Variants in OCRL observed in about 807,000 individuals in gnomAD.
OCRL encodes the protein inositol polyphosphate 5-phosphatase OCRL.
Under a neutral mutation model 78.9 loss-of-function variants are expected in OCRL, and 8 were observed. The ratio of observed to expected loss-of-function variants is 0.10; its 90% confidence interval spans 0.06 to 0.18. The LOEUF (loss-of-function observed/expected upper bound fraction) is 0.18. OCRL is among the 10% of genes least tolerant of loss of function. The probability of loss-of-function intolerance (pLI) is 1.00; values close to 1 mark genes in which losing one functional copy is unlikely to be tolerated. For missense variants in OCRL, 454 were observed against 696.7 expected (o/e 0.65, Z 3.92); for synonymous variants, 240 against 235.4 (o/e 1.02, Z -0.18).
At chrX:129,585,124 G>C (rs886856998) in intron 19 of OCRL, among the ~76,000 whole-genome samples, 2 of 112,635 alleles carry the variant, frequency 1.8e-5, no homozygotes, top group Admixed American at 1.9e-4. Context: ...TTGAAAATTA[G>C]AGTTCAGGAT....
Position 129,575,223 on chromosome X carries a change from T to C in OCRL, c.1686T>C (p.Leu562=). 8.3e-7 allele frequency: 1 copy of C among 1,202,395 alleles called. No homozygotes were observed. Among genetic ancestry groups the C allele is most frequent in the African/African-American group, 1.7e-5 (1 of 57,690 alleles). Residue 562 remains leucine (L), a synonymous_variant, in exon 16 of 24, where the codon CTT becomes CTC. Coordinates refer to ENST00000371113, the MANE Select transcript of OCRL (RefSeq NM_000276.4). The part of the protein sequence containing the change: ...RIMDRMENDF[L]PSLELSRREF... The stretch of plus-strand genomic sequence containing the variant: ...TGGACAGAATGGAAAATGACTTCCT[T>C]CCTTCCTTAGAACTCAGCAGGAGGG...
intron 3 of OCRL, 107 bp downstream of exon 3, chrX:129,545,144 T>C (rs1935862012): frequency 8.0e-6 from 4 of 500,867 alleles, no homozygotes; most frequent in Non-Finnish European, 1.4e-5. Context: ...TAAAATGAAA[T>C]GTATTACTCT....
At position 129,540,473 on chromosome X, in the gene OCRL, C is replaced by G; in HGVS notation, c.34C>G (p.Leu12Val). 1 of 1,140,134 alleles carries G rather than the reference C, an allele frequency of 8.8e-7. No individual in the cohort carries two copies. The allele number at this position is 1,140,134 out of a possible 1,213,427, so 94.0% of individuals were successfully genotyped here. ...GCCGCTCCCGGTCGGAGCCCAGCCG[C>G]TTGCCGTATCCGCCGGAGAGAAGGG... ...EPPLPVGAQP[L>V]ATVEGMEMKG... The change falls in exon 1 of 24, where the codon CTT (leucine) becomes GTT (valine). Residue 12 changes from leucine to valine, a missense_variant. By Grantham distance (32) the Leu-to-Val change is conservative (BLOSUM62 1). Around this residue, in one of 2 missense-constraint regions of OCRL, gnomAD observed 177 missense variants for 179.6 expected, o/e 0.99. Transcript: ENST00000371113.
At chrX:129,561,669 A>G (rs1041334718) in intron 10 of OCRL, among the ~76,000 whole-genome samples, 1 of 112,176 alleles carries the variant, frequency 8.9e-6, no homozygotes, top group Non-Finnish European at 1.9e-5. Flanking sequence ...CAGAGCAAGA[A>G]TAGAAGTGGT....
At chrX:129,589,722 TAGAC>T in intron 22 of OCRL, 119 bp from the exon 23 acceptor site, 3 of 528,510 alleles carry the variant, frequency 5.7e-6, no homozygotes, top group East Asian at 3.6e-5. Flanking sequence ...TAATAGAAGT[TAGAC>T]AGATGAAATG....
intron 8 of OCRL, 59 bp downstream of exon 8, chrX:129,559,060 C>A (rs1936106194): frequency 9.6e-7 from 1 of 1,037,212 alleles, no homozygotes; most frequent in Non-Finnish European, 1.3e-6. Flanking sequence ...AGACAGTGGC[C>A]TGTTGATATT....
chrX:129,562,368 TC>T lies in OCRL; in HGVS notation c.940-12del. 1 of 1,149,244 alleles carries T rather than the reference TC, an allele frequency of 8.7e-7. No individual in the cohort carries two copies. The highest frequency in any genetic ancestry group is 1.8e-5 in the South Asian group (1 of 55,543). The allele number at this position is 1,149,244 out of a possible 1,213,427, so 94.7% of individuals were successfully genotyped here. ...GGTATTAACATTAACCTTTTGTAAC[TC>T]CCCGGAACTCATAGGTTCAACTGGT... On this transcript the variant is annotated splice_polypyrimidine_tract_variant and intron_variant, in intron 10 of 23. Transcript: ENST00000371113.
intron 2 of OCRL, among the ~76,000 whole-genome samples, chrX:129,542,744 T>C (rs1254893078): frequency 8.9e-6 from 1 of 111,840 alleles, no homozygotes; most frequent in Non-Finnish European, 1.9e-5. Flanking sequence ...GAGAAGTTTC[T>C]CTTGAAAGCA....
intron 22 of OCRL, 97 bp from the exon 23 acceptor site, chrX:129,589,748 G>T: frequency 1.7e-6 from 1 of 591,800 alleles, no homozygotes. Context: ...GTCCTGCAAG[G>T]GTTGGATTAT....
intron 15 of OCRL, among the ~76,000 whole-genome samples, chrX:129,572,409 C>T (rs182302503): frequency 8.9e-6 from 1 of 112,423 alleles, no homozygotes; most frequent in East Asian, 2.8e-4. Context: ...TTTGGGGTTC[C>T]CCCCCTCCTC....
At position 129,548,513 on chromosome X, in the gene OCRL, T is replaced by C. The variant is rs751062025; in HGVS notation, c.200-50T>C. 9.0e-6 allele frequency: 9 copies of C among 995,326 alleles called. No homozygotes were observed. In the East Asian group the frequency reaches 2.7e-4, roughly 30 times the overall value. 82.0% of individuals were successfully genotyped at this position (995,326 alleles called of 1,213,427 possible). ...TAGGCATGTATTCTTTTGGTTGTAG[T>C]GAGTGGTTTTCTCTTCCCTAATCCT... On this transcript the variant is annotated intron_variant, in intron 3 of 23. Transcript: ENST00000371113.
At position 129,547,321 on chromosome X, in the gene OCRL, T is replaced by A. The variant is rs189709925; in HGVS notation, c.200-1242T>A. ...TGGGCAGATCACAAGGTCAGGAGAT[T>A]GAGACCATCCTGGCTAACACGATGA... On this transcript the variant is annotated intron_variant, in intron 3 of 23. Coordinates refer to ENST00000371113, the MANE Select transcript of OCRL (RefSeq NM_000276.4). 2.7e-3 allele frequency among the ~76,000 whole-genome samples: 298 copies of A among 109,767 alleles called. 3 individuals are homozygous for A. The highest frequency in any genetic ancestry group is 9.3e-3 in the African/African-American group (280 of 30,088).
chrX:129,575,608 G>T, intron 16 of OCRL: 1 of 395,896 alleles, frequency 2.5e-6, no homozygotes, highest in Non-Finnish European at 4.4e-6. Context: ...ACCAGGACTT[G>T]GTCACAGGAT....
chrX:129,578,736 A>G (rs1339284684), intron 18 of OCRL, among the ~76,000 whole-genome samples: 3 of 111,331 alleles, frequency 2.7e-5, no homozygotes, highest in African/African-American at 9.8e-5. Flanking sequence ...TCATTAGAGG[A>G]ATGAATGGCT....
intron 15 of OCRL, among the ~76,000 whole-genome samples, chrX:129,573,768 T>C (rs1327791835): frequency 9.0e-6 from 1 of 110,954 alleles, no homozygotes; most frequent in Non-Finnish European, 1.9e-5. Context: ...CCGTGTTGGC[T>C]GGGGTGGTTT....
chrX:129,547,685 T>G (rs1316626787), intron 3 of OCRL, among the ~76,000 whole-genome samples: 1 of 111,555 alleles, frequency 9.0e-6, no homozygotes, highest in East Asian at 2.8e-4. Context: ...AGACTACTTT[T>G]TAGTGTTAAA....
intron 4 of OCRL, among the ~76,000 whole-genome samples, chrX:129,556,106 CA>C (rs1443719009): frequency 3.6e-5 from 4 of 111,704 alleles, no homozygotes; most frequent in African/African-American, 6.5e-5. Context: ...ACTCATTTTA[CA>C]AAGACAGAAA....
chrX:129,554,877 G>A (rs1335890908), intron 4 of OCRL, among the ~76,000 whole-genome samples: 1 of 108,372 alleles, frequency 9.2e-6, no homozygotes, highest in Non-Finnish European at 1.9e-5. Flanking sequence ...ACTTGAACCC[G>A]GGAGGTGGAG....
At position 129,540,278 on chromosome X, in the gene OCRL, C is replaced by T. The variant is rs1935765709; in HGVS notation, c.-162C>T. Reference sequence around the variant, plus strand: ...GCCGCTCTCTCTTGGGTCAGATTCTCAGCTCCCAGCTCCCCGCTCCCGGCT... The same window carrying T: ...GCCGCTCTCTCTTGGGTCAGATTCTTAGCTCCCAGCTCCCCGCTCCCGGCT... On this transcript the variant is annotated 5_prime_UTR_variant, in exon 1 of 24. Transcript: ENST00000371113. 8.9e-6 allele frequency: 5 copies of T among 564,824 alleles called. No homozygotes were observed. The highest frequency in any genetic ancestry group is 6.9e-5 in the African/African-American group (3 of 43,639). 46.5% of individuals were successfully genotyped at this position (564,824 alleles called of 1,213,427 possible).
Sources: gnomAD v4.1 joint callset for allele counts (sites outside exome capture counted in the v4.1 genomes callset) on GRCh38, gnomAD v4.1.1 for gene constraint, gnomAD v4.1.1 regional missense constraint, MANE v1.5 for transcripts, NCBI Gene and HGNC (gene_info 2026-07-23, HGNC 2026-07-21) for gene names.